Variants in AHRR observed in about 807,000 individuals in gnomAD.
AHRR encodes ahR repressor.
AHRR carries 28 observed loss-of-function variants against 44.0 expected under a neutral mutation model. The ratio of observed to expected loss-of-function variants is 0.64; its 90% CI spans 0.47 to 0.87. AHRR has a LOEUF of 0.87. Among genes scored for constraint, AHRR ranks in the 40% least tolerant of loss-of-function variants. The pLI, the probability that AHRR is intolerant of heterozygous loss-of-function variation, is 0.00. For synonymous variants in AHRR, 434 were observed against 407.0 expected (o/e 1.07, Z -0.80); for missense variants, 990 against 953.9 (o/e 1.04, Z -0.50).
At chr5:374,199 G>A (rs1360753574) in intron 3 of AHRR, among the ~76,000 whole-genome samples, 1 of 152,084 alleles carries the variant, frequency 6.6e-6, no homozygotes, top group Non-Finnish European at 1.5e-5. Flanking sequence ...GGCGGGGAGC[G>A]CCCAGGGCCA....
chr5:405,178 G>A lies in AHRR; in HGVS notation c.352-8166G>A, dbSNP rs1168403569. The stretch of plus-strand genomic sequence containing the variant: ...TTGTGAACAGCCCCGATGGGTCCAG[G>A]CAGATTCACCAGACTTTCTGCTCAC... On this transcript the variant is annotated intron_variant, in intron 4 of 10. Coordinates refer to ENST00000684583, the MANE Select transcript of AHRR (RefSeq NM_001377236.1). The surrounding 1 kb of genome is among the most constrained non-coding windows in gnomAD (Gnocchi z 4.5). 6.6e-6 allele frequency among the ~76,000 whole-genome samples: 1 copy of A among 152,058 alleles called. No homozygotes were observed. The highest frequency in any genetic ancestry group is 1.5e-5 in the Non-Finnish European group (1 of 67,996).
Position 395,603 on chromosome 5 carries a change from G to A in AHRR, c.352-17741G>A, listed in dbSNP as rs975311834. Among the ~76,000 whole-genome samples the A allele has an allele frequency of 1.3e-5, 2 of 152,372 alleles. No homozygotes were observed. The highest frequency in any genetic ancestry group is 2.1e-4 in the South Asian group (1 of 4,828). On this transcript the variant is annotated intron_variant, in intron 4 of 10. Transcript: ENST00000684583. The surrounding 1 kb of genome is among the most constrained non-coding windows in gnomAD (Gnocchi z 5.3). ...AAAACAGCTGTGAGAACAGCCTTGCGTGTCTGGAAGCCCCAAGCCGCTCGG... is the reference window on the plus strand; with the variant it reads ...AAAACAGCTGTGAGAACAGCCTTGCATGTCTGGAAGCCCCAAGCCGCTCGG...
At chr5:390,068 G>T (rs1410383807) in intron 4 of AHRR, among the ~76,000 whole-genome samples, 1 of 152,100 alleles carries the variant, frequency 6.6e-6, no homozygotes, top group African/African-American at 2.4e-5. Context: ...GCGGGACGAA[G>T]AAAAGACAGA....
rs923288692 is a variant in AHRR, at chr5:324,021, T to TTC, written c.-11+2216_-11+2217dup. On this transcript the variant is annotated intron_variant, in intron 1 of 10. Coordinates refer to ENST00000684583, the MANE Select transcript of AHRR (RefSeq NM_001377236.1). Reference sequence around the variant, plus strand: ...TCTTTTTTTCTCTTTCTTTCTTTCTTTCTCTCTCTCTCTCTGTCTCTCTTT... The same window carrying TTC: ...TCTTTTTTTCTCTTTCTTTCTTTCTTTCTCTCTCTCTCTCTCTGTCTCTCTTT... Among the ~76,000 whole-genome samples the TTC allele has an allele frequency of 1.7e-4, 22 of 132,478 alleles. No individual in the cohort carries two copies. In the East Asian group the frequency reaches 1.7e-3, roughly 11 times the overall value. 86.9% of individuals were successfully genotyped at this position (132,478 alleles called of 152,430 possible). A position where few individuals can be genotyped will look rare whatever the true frequency, so the allele number is the denominator to read the frequency against.
intron 4 of AHRR, among the ~76,000 whole-genome samples, chr5:385,629 A>G (rs1734148205): frequency 6.6e-6 from 1 of 152,092 alleles, no homozygotes; most frequent in African/African-American, 2.4e-5. Context: ...CCTGTGTGTT[A>G]TGTGTCATTT....
chr5:431,074 G>T (rs1053464275), intron 8 of AHRR, among the ~76,000 whole-genome samples: 2 of 152,192 alleles, frequency 1.3e-5, no homozygotes, highest in Admixed American at 1.3e-4. Context: ...ACTGCACATG[G>T]CAAGCCCGGT....
intron 2 of AHRR, among the ~76,000 whole-genome samples, chr5:350,723 G>A (rs1245561409): frequency 2.0e-5 from 3 of 149,962 alleles, no homozygotes; most frequent in Admixed American, 6.7e-5. Context: ...CAATTCTCCC[G>A]CCTATTTACA....
chr5:343,495 T>TACCTTCTCGG (rs1410751901), intron 1 of AHRR: 11 of 239,080 alleles, frequency 4.6e-5, no homozygotes, highest in Admixed American at 1.8e-4. Flanking sequence ...GGATCCCGCG[T>TACCTTCTCGG]GACGAGTGTT....
intron 4 of AHRR, among the ~76,000 whole-genome samples, chr5:389,056 TCA>T (rs1734291106): frequency 6.6e-6 from 1 of 151,812 alleles, no homozygotes; most frequent in South Asian, 2.1e-4. Context: ...AGCCACATGG[TCA>T]CAGTCTGGGC....
chr5:406,208 G>T lies in AHRR; in HGVS notation c.352-7136G>T, dbSNP rs1455889931. 6.6e-6 allele frequency among the ~76,000 whole-genome samples: 1 copy of T among 152,222 alleles called. No homozygotes were observed. Among genetic ancestry groups the T allele is most frequent in the Non-Finnish European group, 1.5e-5 (1 of 68,044 alleles). The stretch of plus-strand genomic sequence containing the variant: ...GCGAGGGGCCCACGGTGTCGCTGGG[G>T]ACTTCTGCTGCCCCCAGCCCCCCTT... On this transcript the variant is annotated intron_variant, in intron 4 of 10. Coordinates refer to ENST00000684583, the MANE Select transcript of AHRR (RefSeq NM_001377236.1). The surrounding 1 kb of genome is among the most constrained non-coding windows in gnomAD (Gnocchi z 4.7).
chr5:355,875 C>T lies in AHRR; in HGVS notation c.244+1964C>T, dbSNP rs564402418. Among the ~76,000 whole-genome samples, 8 of 152,342 alleles carry T rather than the reference C, an allele frequency of 5.3e-5. No individual in the cohort carries two copies. In the South Asian group the frequency reaches 1.7e-3, roughly 32 times the overall value. On this transcript the variant is annotated intron_variant, in intron 3 of 10. Coordinates refer to ENST00000684583, the MANE Select transcript of AHRR (RefSeq NM_001377236.1). Reference sequence around the variant, plus strand: ...GGAATAAACTTCCTGATTTTTCTACCAAGGATTGTGAATTTTGTGATCCCC... The same window carrying T: ...GGAATAAACTTCCTGATTTTTCTACTAAGGATTGTGAATTTTGTGATCCCC...
Position 405,893 on chromosome 5 carries a change from G to A in AHRR, c.352-7451G>A, listed in dbSNP as rs1735234879. Among the ~76,000 whole-genome samples the A allele has an allele frequency of 6.6e-6, 1 of 152,318 alleles. No homozygotes were observed. The highest frequency in any genetic ancestry group is 2.1e-4 in the South Asian group (1 of 4,832). ...TCTCGGTCTGAGGCTGCGTCCTTCT[G>A]GTGTGGCTTTCCTCCTGAATTAGGC... On this transcript the variant is annotated intron_variant, in intron 4 of 10. Coordinates refer to ENST00000684583, the MANE Select transcript of AHRR (RefSeq NM_001377236.1). This position sits in a 1 kb window ranked among gnomAD's most constrained non-coding sequence, Gnocchi z 4.5.
intron 4 of AHRR, among the ~76,000 whole-genome samples, chr5:403,290 G>T (rs1297163135): frequency 1.3e-5 from 2 of 152,138 alleles, no homozygotes; most frequent in African/African-American, 4.8e-5. Flanking sequence ...GGTCATGATG[G>T]TTGCACAACA....
rs917256543 is a variant in AHRR at position 419,681 on chromosome 5, T to C, written c.442-3048T>C. Among the ~76,000 whole-genome samples the C allele has an allele frequency of 3.3e-5, 5 of 152,132 alleles. No individual in the cohort carries two copies. Among genetic ancestry groups the C allele is most frequent in the African/African-American group, 1.2e-4 (5 of 41,426 alleles). On this transcript the variant is annotated intron_variant, in intron 5 of 10. Transcript: ENST00000684583. This position sits in a 1 kb window ranked among gnomAD's most constrained non-coding sequence, Gnocchi z 4.4. The stretch of plus-strand genomic sequence containing the variant: ...CGGGGCCCTCCATGGTGCCCGGCTC[T>C]TACTGCACAGGGACCAACAGGCCGG...
At chr5:345,331 T>G (rs757846851) in intron 2 of AHRR, among the ~76,000 whole-genome samples, 397 of 31,870 alleles carry the variant, frequency 0.012, 15 homozygotes, top group Non-Finnish European at 0.017. Context: ...TGTGTGTGTG[T>G]GGGGATGTGT....
At chr5:425,663 T>TTTA (rs1398912343) in intron 7 of AHRR, among the ~76,000 whole-genome samples, 3 of 152,236 alleles carry the variant, frequency 2.0e-5, no homozygotes, top group Non-Finnish European at 4.4e-5. Context: ...TTGGAAGGAT[T>TTTA]TTACTGTGCA....
At chr5:417,486 T>G (rs1056921831) in intron 5 of AHRR, among the ~76,000 whole-genome samples, 18 of 152,250 alleles carry the variant, frequency 1.2e-4, no homozygotes, top group African/African-American at 4.3e-4. Context: ...GAAGGCCGCT[T>G]GGTCTGCCTT....
Position 434,850 on chromosome 5 carries a change from C to T in AHRR, c.*16C>T. On this transcript the variant is annotated 3_prime_UTR_variant, in exon 11 of 11. Transcript: ENST00000684583. Reference sequence around the variant, plus strand: ...CCTGCCATAGCGCAGTGACCACCATCCAAGCTCAGATCTGTGTGTCTACGC... The same window carrying T: ...CCTGCCATAGCGCAGTGACCACCATTCAAGCTCAGATCTGTGTGTCTACGC... 6.5e-7 allele frequency: 1 copy of T among 1,532,786 alleles called. No homozygotes were observed. 94.9% of individuals were successfully genotyped at this position (1,532,786 alleles called of 1,614,324 possible).
chr5:354,655 T>G (rs1742980315), intron 3 of AHRR, among the ~76,000 whole-genome samples: 1 of 152,186 alleles, frequency 6.6e-6, no homozygotes, highest in South Asian at 2.1e-4. Flanking sequence ...GCTTTCAGCT[T>G]CTGTGTTGGG....
Sources: gnomAD v4.1 joint callset for allele counts (sites outside exome capture counted in the v4.1 genomes callset) on GRCh38, gnomAD v4.1.1 for gene constraint, Gnocchi (gnomAD v3.1) non-coding constraint, MANE v1.5 for transcripts, NCBI Gene and HGNC (gene_info 2026-07-23, HGNC 2026-07-21) for gene names.